The following EPN2 variants were observed in gnomAD, a reference collection of about 807,000 sequenced individuals.
EPN2 encodes epsin 2.
A neutral mutation model predicts 61.7 loss-of-function variants in EPN2; 34 were observed. That is an observed-to-expected ratio of 0.55 (90% CI 0.42 to 0.73). The LOEUF (loss-of-function observed/expected upper bound fraction) is 0.73. EPN2 is among the 30% of genes least tolerant of loss of function. EPN2 has a pLI of 0.00. For synonymous variants in EPN2, 349 were observed against 353.6 expected (o/e 0.99, Z 0.15); for missense variants, 714 against 839.2 (o/e 0.85, Z 1.84).
chr17:19,334,115 C>T lies in EPN2; in HGVS notation c.1787C>T (p.Ala596Val), dbSNP rs777443458. ...ATGGCTGTGGCCTCGATGACCTCCG[C>T]GGCCCCACAGCCAGCTCTGGGGGCC... ...ESMAVASMTSAAPQPALGATG... is the reference protein window; with the variant it reads ...ESMAVASMTSVAPQPALGATG... The change falls in exon 11 of 11, where the codon GCG becomes GTG. Residue 596 changes from alanine (A) to valine (V), a missense_variant. By Grantham distance (64) the Ala-to-Val change is moderately conservative. Around this residue, in one of 2 missense-constraint regions of EPN2, gnomAD observed 410 missense variants for 421.8 expected, o/e 0.97. Transcript: ENST00000314728. This position sits in a 1 kb window ranked among gnomAD's most constrained non-coding sequence, Gnocchi z 4.9. 43 of 1,607,930 alleles carry T rather than the reference C, an allele frequency of 2.7e-5. No homozygotes were observed. The highest frequency in any genetic ancestry group is 8.9e-5 in the East Asian group (4 of 44,782).
At chr17:19,329,305 G>GT in intron 8 of EPN2, 2 of 479,970 alleles carry the variant, frequency 4.2e-6, no homozygotes, top group Admixed American at 7.8e-5. Context: ...GCCTTTTGGG[G>GT]TGAGGGTGTT....
At position 19,283,417 on chromosome 17, in the gene EPN2, A is replaced by G. The variant is rs752850441; in HGVS notation, c.298A>G (p.Ile100Val). ...ERVAQQCREN[I>V]FAIQTLKDFQ... ...TGTGGCCCAGCAGTGCCGGGAGAAC[A>G]TCTTCGCCATCCAGACCCTGAAGGA... The change falls in exon 3 of 11, where the codon ATC becomes GTC. Residue 100 changes from isoleucine to valine, a missense_variant. This residue lies in a region of EPN2 where 304 missense variants were observed against 417.4 expected (regional missense o/e 0.73). Transcript: ENST00000314728. The surrounding 1 kb of genome is among the most constrained non-coding windows in gnomAD (Gnocchi z 7.0). 6.2e-7 allele frequency: 1 copy of G among 1,614,210 alleles called. No homozygotes were observed. The highest frequency in any genetic ancestry group is 2.2e-5 in the East Asian group (1 of 44,872).
chr17:19,246,681 C>A (rs117908458), intron 1 of EPN2, among the ~76,000 whole-genome samples: 2 of 150,154 alleles, frequency 1.3e-5, no homozygotes, highest in African/African-American at 4.9e-5. Flanking sequence ...TCCGCCCCCC[C>A]CAAAAAAATA....
intron 10 of EPN2, among the ~76,000 whole-genome samples, chr17:19,332,661 G>A (rs4493123): frequency 0.032 from 4,901 of 152,200 alleles, 270 homozygotes; most frequent in African/African-American, 0.11. Context: ...GCCCCTTGGC[G>A]CCCCTCAGCC....
intron 1 of EPN2, among the ~76,000 whole-genome samples, chr17:19,275,446 T>G (rs2095960106): frequency 6.6e-6 from 1 of 152,222 alleles, no homozygotes; most frequent in African/African-American, 2.4e-5. Flanking sequence ...TTCCTTGGCT[T>G]CTTGCTTTCT....
intron 1 of EPN2, among the ~76,000 whole-genome samples, chr17:19,240,318 T>C (rs537908406): frequency 6.6e-6 from 1 of 152,174 alleles, no homozygotes; most frequent in South Asian, 2.1e-4. Context: ...CAATCTTGGC[T>C]CACTGCAAAC....
intron 7 of EPN2, among the ~76,000 whole-genome samples, chr17:19,317,836 C>T (rs912193047): frequency 3.3e-5 from 5 of 152,158 alleles, no homozygotes; most frequent in Admixed American, 3.3e-4. Flanking sequence ...ATTGCCTCCC[C>T]GAGCCAGCAG....
intron 9 of EPN2, among the ~76,000 whole-genome samples, chr17:19,331,485 A>G (rs1227866636): frequency 6.6e-6 from 1 of 151,656 alleles, no homozygotes; most frequent in African/African-American, 2.4e-5. Context: ...GTTCATGTTT[A>G]TTGTGGAAAA....
intron 2 of EPN2, 28 bp from the exon 3 acceptor site, chr17:19,282,922 C>T: frequency 1.8e-6 from 1 of 552,518 alleles, no homozygotes; most frequent in Non-Finnish European, 3.2e-6. Flanking sequence ...GCTTACGTCG[C>T]AGTGGAATGG....
At chr17:19,248,229 G>T (rs1481921437) in intron 1 of EPN2, among the ~76,000 whole-genome samples, 2 of 152,202 alleles carry the variant, frequency 1.3e-5, no homozygotes. Flanking sequence ...TGGCAGAAAT[G>T]ATCACCCTGG....
chr17:19,264,602 C>A (rs2045176641), intron 1 of EPN2, among the ~76,000 whole-genome samples: 1 of 152,188 alleles, frequency 6.6e-6, no homozygotes, highest in Non-Finnish European at 1.5e-5. Context: ...TCTTTTCATT[C>A]TGCCAGGTAG....
chr17:19,335,228 CT>C lies in EPN2; in HGVS notation c.*977del. 3 of 504,514 alleles carry C rather than the reference CT, an allele frequency of 5.9e-6. No homozygotes were observed. Among genetic ancestry groups the C allele is most frequent in the South Asian group, 5.9e-5 (1 of 17,024 alleles). 31.3% of individuals were successfully genotyped at this position (504,514 alleles called of 1,614,324 possible). A position where few individuals can be genotyped will look rare whatever the true frequency, so the allele number is the denominator to read the frequency against. On this transcript the variant is annotated 3_prime_UTR_variant, in exon 11 of 11. Transcript: ENST00000314728. ...CTAGCCTCCAGTTGCCTTTTCCTTTCTTTAGCTCCTGTTTTTGGTGAATTAC... is the reference window on the plus strand; with the variant it reads ...CTAGCCTCCAGTTGCCTTTTCCTTTCTTAGCTCCTGTTTTTGGTGAATTAC...
chr17:19,332,173 G>A (rs1049963352), intron 10 of EPN2, 105 bp downstream of exon 10: 15 of 839,932 alleles, frequency 1.8e-5, no homozygotes, highest in Non-Finnish European at 2.6e-5. Context: ...GAAGGGGTGG[G>A]ACTAGCTGGA....
Position 19,335,404 on chromosome 17 carries a change from G to A in EPN2, c.*1150G>A. On this transcript the variant is annotated 3_prime_UTR_variant, in exon 11 of 11. Transcript: ENST00000314728. ...CAACTAATTCCTTTTTTTTATTAAA[G>A]GCATGCAGGGATTAACAGGACTTCT... 1.9e-6 allele frequency: 3 copies of A among 1,548,194 alleles called. No individual in the cohort carries two copies. The highest frequency in any genetic ancestry group is 2.6e-6 in the Non-Finnish European group (3 of 1,146,020).
At chr17:19,258,507 A>G (rs1160224324) in intron 1 of EPN2, among the ~76,000 whole-genome samples, 1 of 152,124 alleles carries the variant, frequency 6.6e-6, no homozygotes, top group African/African-American at 2.4e-5. Flanking sequence ...TGGGTTGACA[A>G]TGGGAAATTG....
intron 1 of EPN2, among the ~76,000 whole-genome samples, chr17:19,266,771 C>T (rs2152210311): frequency 6.6e-6 from 1 of 151,942 alleles, no homozygotes; most frequent in East Asian, 2.0e-4. Context: ...TTAGTAACAA[C>T]CCAAATGTCC....
chr17:19,311,310 A>AGACG (rs980255699), intron 5 of EPN2, among the ~76,000 whole-genome samples: 2 of 152,162 alleles, frequency 1.3e-5, no homozygotes, highest in African/African-American at 4.8e-5. Flanking sequence ...ACATAGGGAC[A>AGACG]GACGGACGGT....
rs1907319202 is a variant in EPN2, at chr17:19,334,691, C to T, written c.*437C>T. ...ACGATGAAGCACCGGCTCCATAAGA[C>T]ACCTTTTGGGGAAGTGGTTGTGCAT... On this transcript the variant is annotated 3_prime_UTR_variant, in exon 11 of 11. Coordinates refer to ENST00000314728, the MANE Select transcript of EPN2 (RefSeq NM_014964.5). The surrounding 1 kb of genome is among the most constrained non-coding windows in gnomAD (Gnocchi z 4.9). 2 of 158,364 alleles carry T rather than the reference C, an allele frequency of 1.3e-5. No individual in the cohort carries two copies. The highest frequency in any genetic ancestry group is 1.3e-4 in the Admixed American group (2 of 15,418). The allele number at this position is 158,364 out of a possible 1,614,324, so 9.8% of individuals were successfully genotyped here.
chr17:19,308,303 G>A (rs950769119), intron 4 of EPN2: 2 of 871,438 alleles, frequency 2.3e-6, no homozygotes, highest in Non-Finnish European at 2.8e-6. Flanking sequence ...AGAACTCCTG[G>A]CCTCAGGTGA....
Sources: gnomAD v4.1 joint callset for allele counts (sites outside exome capture counted in the v4.1 genomes callset) on GRCh38, gnomAD v4.1.1 for gene constraint, gnomAD v4.1.1 regional missense constraint, Gnocchi (gnomAD v3.1) non-coding constraint, MANE v1.5 for transcripts, NCBI Gene and HGNC (gene_info 2026-07-23, HGNC 2026-07-21) for gene names.